CSMD1: variants seen among roughly 807,000 people sequenced by gnomAD.
CSMD1 encodes the protein CUB and Sushi multiple domains 1, also known as CUB and sushi domain-containing protein 1.
Under a neutral mutation model 417.5 loss-of-function variants are expected in CSMD1, and 213 were observed. The ratio of observed to expected loss-of-function variants is 0.51; its 90% CI spans 0.46 to 0.57. The LOEUF is 0.57. CSMD1 is among the 20% of genes least tolerant of loss of function. The pLI, the probability that CSMD1 is intolerant of heterozygous loss-of-function variation, is 0.00. For missense variants in CSMD1, 6,923 were observed against 4,529.7 expected (o/e 1.53, Z -15.17); for synonymous variants, 2,862 against 1,736.8 (o/e 1.65, Z -16.11).
intron 2 of CSMD1, among the ~76,000 whole-genome samples, chr8:4,555,436 C>G (rs927873465): frequency 1.3e-5 from 2 of 152,084 alleles, no homozygotes; most frequent in Admixed American, 1.3e-4. Context: ...TTTGGACATG[C>G]TGTTGTCAAG....
At chr8:3,308,725 C>T (rs1368460701) in intron 23 of CSMD1, among the ~76,000 whole-genome samples, 1 of 134,970 alleles carries the variant, frequency 7.4e-6, no homozygotes, top group Admixed American at 8.2e-5. Context: ...TTCCTCCCTA[C>T]TTACAAGTTT....
chr8:3,196,467 T>C (rs913656571), intron 33 of CSMD1, among the ~76,000 whole-genome samples: 1 of 152,188 alleles, frequency 6.6e-6, no homozygotes, highest in Non-Finnish European at 1.5e-5. Flanking sequence ...AAATTCTTTC[T>C]TGCGCGAGAT....
Position 2,998,394 on chromosome 8 carries a change from G to C in CSMD1, c.8204-210C>G, listed in dbSNP as rs140458896. ...CACTACAGGCTTTTAATATAATTGT[G>C]GAAAATAACAAACACCTGCCAAACA... On this transcript the variant is annotated intron_variant, in intron 53 of 69. Coordinates refer to ENST00000635120, the MANE Select transcript of CSMD1 (RefSeq NM_033225.6). 3.5e-3 allele frequency among the ~76,000 whole-genome samples: 530 copies of C among 152,102 alleles called. 5 individuals carry two copies. The highest frequency in any genetic ancestry group is 0.012 in the African/African-American group (502 of 41,474).
chr8:4,174,311 A>G (rs994947858), intron 3 of CSMD1, among the ~76,000 whole-genome samples: 2 of 152,152 alleles, frequency 1.3e-5, no homozygotes, highest in African/African-American at 2.4e-5. Flanking sequence ...GTCATCCACT[A>G]CATGACCTAG....
At chr8:3,022,864 C>A (rs922166535) in intron 51 of CSMD1, among the ~76,000 whole-genome samples, 1 of 152,008 alleles carries the variant, frequency 6.6e-6, no homozygotes. Flanking sequence ...TTTTATTAGG[C>A]CTAGAGAGAT....
At chr8:4,499,025 T>G (rs1328768397) in intron 2 of CSMD1, among the ~76,000 whole-genome samples, 1 of 152,178 alleles carries the variant, frequency 6.6e-6, no homozygotes, top group Non-Finnish European at 1.5e-5. Context: ...TACCCAGGCA[T>G]AGAAATATCT....
chr8:4,445,568 T>C (rs1798733636), intron 2 of CSMD1, among the ~76,000 whole-genome samples: 1 of 152,212 alleles, frequency 6.6e-6, no homozygotes, highest in Admixed American at 6.5e-5. Flanking sequence ...CTTCAATGAA[T>C]TGAAATAATA....
At chr8:2,948,895 C>T (rs1439146271) in intron 68 of CSMD1, among the ~76,000 whole-genome samples, 1 of 151,606 alleles carries the variant, frequency 6.6e-6, no homozygotes, top group Non-Finnish European at 1.5e-5. Flanking sequence ...ATCTTTGTTA[C>T]TATATAAATA....
chr8:3,486,718 T>G (rs1043102947), intron 11 of CSMD1, among the ~76,000 whole-genome samples: 1 of 152,234 alleles, frequency 6.6e-6, no homozygotes, highest in Admixed American at 6.5e-5. Context: ...TTCTTCCCTG[T>G]AGGAAGGTTG....
At chr8:3,415,911 G>C (rs1021664080) in intron 12 of CSMD1, among the ~76,000 whole-genome samples, 1 of 152,176 alleles carries the variant, frequency 6.6e-6, no homozygotes, top group African/African-American at 2.4e-5. Context: ...AATTGCCAAA[G>C]AAGATTTTGA....
At chr8:3,400,110 A>T (rs1424533051) in intron 15 of CSMD1, among the ~76,000 whole-genome samples, 1 of 152,206 alleles carries the variant, frequency 6.6e-6, no homozygotes, top group Non-Finnish European at 1.5e-5. Context: ...TGTGACAGTG[A>T]TTTGTAATTG....
intron 3 of CSMD1, among the ~76,000 whole-genome samples, chr8:4,277,214 T>C (rs1347819179): frequency 1.4e-5 from 2 of 143,764 alleles, no homozygotes; most frequent in Non-Finnish European, 3.1e-5. Flanking sequence ...TATATATATA[T>C]ATACACACAG....
intron 3 of CSMD1, among the ~76,000 whole-genome samples, chr8:4,045,566 G>C (rs946608074): frequency 2.6e-5 from 4 of 152,170 alleles, no homozygotes; most frequent in African/African-American, 9.7e-5. Flanking sequence ...GAAAGAGGAT[G>C]TGCAATGCTT....
intron 1 of CSMD1, among the ~76,000 whole-genome samples, chr8:4,868,746 T>A (rs925853847): frequency 6.6e-6 from 1 of 150,572 alleles, no homozygotes; most frequent in African/African-American, 2.4e-5. Context: ...TTGACACTGG[T>A]GACTGTCAAA....
At chr8:3,658,609 C>T (rs1275146828) in intron 7 of CSMD1, among the ~76,000 whole-genome samples, 2 of 151,586 alleles carry the variant, frequency 1.3e-5, no homozygotes, top group African/African-American at 4.8e-5. Flanking sequence ...ATGACAAAAC[C>T]CCATCTCTAC....
intron 1 of CSMD1, among the ~76,000 whole-genome samples, chr8:4,790,401 C>A (rs1165236154): frequency 6.6e-6 from 1 of 152,172 alleles, no homozygotes; most frequent in Non-Finnish European, 1.5e-5. Context: ...AATAGCCATA[C>A]TTCCCAGAGC....
rs376413480 is a variant in CSMD1, at chr8:3,407,958, C to T, written c.2012G>A (p.Arg671His). 36 of 1,613,454 alleles carry T rather than the reference C, an allele frequency of 2.2e-5. No homozygotes were observed. The highest frequency in any genetic ancestry group is 3.0e-5 in the Non-Finnish European group (35 of 1,179,692). Residue 671 changes from arginine to histidine, a missense_variant, in exon 14 of 70, where the codon CGC becomes CAC. Arg to His is a conservative substitution (Grantham distance 29, BLOSUM62 0). Coordinates refer to ENST00000635120, the MANE Select transcript of CSMD1 (RefSeq NM_033225.6). Reference protein sequence around the residue: ...SQLASSGHIVRLEFQSDHSTT... With the variant: ...SQLASSGHIVHLEFQSDHSTT... Reference sequence around the variant, plus strand: ...GGAATGGTCAGACTGAAATTCCAAGCGAACTATATGCCCACTGCTGGCCAG... The same window carrying T: ...GGAATGGTCAGACTGAAATTCCAAGTGAACTATATGCCCACTGCTGGCCAG...
intron 3 of CSMD1, among the ~76,000 whole-genome samples, chr8:4,303,676 G>C (rs1031290261): frequency 3.3e-5 from 5 of 151,654 alleles, no homozygotes; most frequent in Non-Finnish European, 7.4e-5. Context: ...ATTTTTTTGA[G>C]ATGTAGTCTT....
At chr8:4,845,044 G>C (rs1447569567) in intron 1 of CSMD1, among the ~76,000 whole-genome samples, 1 of 145,702 alleles carries the variant, frequency 6.9e-6, no homozygotes, top group Non-Finnish European at 1.5e-5. Context: ...TACAAATTAA[G>C]TTCTACTAAA....
Sources: gnomAD v4.1 joint callset for allele counts (sites outside exome capture counted in the v4.1 genomes callset) on GRCh38, gnomAD v4.1.1 for gene constraint, MANE v1.5 for transcripts, NCBI Gene and HGNC (gene_info 2026-07-23, HGNC 2026-07-21) for gene names.